P2RX5: variants seen among roughly 807,000 people sequenced by gnomAD.
The protein encoded by P2RX5 is P2X purinoceptor 5.
P2RX5 carries 46 observed loss-of-function variants against 54.1 expected under a neutral mutation model. The observed-to-expected ratio is 0.85, with a 90% CI of 0.67 to 1.09. The LOEUF (loss-of-function observed/expected upper bound fraction) is 1.09, where lower values mean the gene tolerates loss of function less well. Among genes scored for constraint, P2RX5 ranks in the 50% least tolerant of loss-of-function variants. The probability of loss-of-function intolerance (pLI) is 0.00; values close to 1 mark genes in which losing one functional copy is unlikely to be tolerated. For synonymous variants in P2RX5, 226 were observed against 226.4 expected, an observed-to-expected ratio of 1.00 and a Z score of 0.02; for missense variants, 566 against 549.8, an observed-to-expected ratio of 1.03 and a Z score of -0.29.
chr17:3,723,468 T>A, the P2RX5 span: 1 of 1,107,430 alleles, frequency 9.0e-7, no homozygotes, highest in Non-Finnish European at 1.4e-6. Flanking sequence ...CAGAGCATCG[T>A]AAGGTCCCAG....
At chr17:3,698,768 C>G (rs1247837869), upstream of P2RX5, among the ~76,000 whole-genome samples, 1 of 152,032 alleles carries the variant, frequency 6.6e-6, no homozygotes, top group Non-Finnish European at 1.5e-5. Flanking sequence ...CTTTAGAGAC[C>G]ACATGAGGGG....
intron 11 of P2RX5, chr17:3,677,585 AC>A (rs1298515563): frequency 4.1e-6 from 4 of 985,218 alleles, no homozygotes; most frequent in South Asian, 9.4e-5. Flanking sequence ...GATTTCGGAA[AC>A]CCTGCTAGAG....
chr17:3,694,814 A>C (rs1157149554), intron 1 of P2RX5, among the ~76,000 whole-genome samples: 3 of 152,218 alleles, frequency 2.0e-5, no homozygotes, highest in African/African-American at 4.8e-5. Flanking sequence ...ACATCAGGCA[A>C]ATGATCCCCC....
intron 1 of P2RX5, among the ~76,000 whole-genome samples, chr17:3,693,745 A>G (rs2050681248): frequency 1.3e-5 from 2 of 152,066 alleles, no homozygotes; most frequent in African/African-American, 4.8e-5. Flanking sequence ...TCTCAAAAAT[A>G]ATAATAATAA....
upstream of P2RX5, among the ~76,000 whole-genome samples, chr17:3,698,881 A>G (rs1425600312): frequency 6.6e-6 from 1 of 152,064 alleles, no homozygotes; most frequent in East Asian, 1.9e-4. Context: ...CTGGTGAGGC[A>G]TGACATCAAA....
At chr17:3,702,594 G>GA in the P2RX5 span, among the ~76,000 whole-genome samples, 4 of 152,214 alleles carry the variant, frequency 2.6e-5, no homozygotes, top group Admixed American at 2.6e-4. Context: ...GCGAAGGTCT[G>GA]AAGCTTCACT....
chr17:3,674,163 A>C (rs910086176), intron 11 of P2RX5, among the ~76,000 whole-genome samples: 2 of 152,012 alleles, frequency 1.3e-5, no homozygotes, highest in African/African-American at 4.8e-5. Flanking sequence ...AAATACAAAA[A>C]ATTAGCCGGG....
chr17:3,688,691 A>G lies in P2RX5; in HGVS notation c.822T>C (p.Pro274=). The G allele has an allele frequency of 6.2e-7, 1 of 1,613,604 alleles. No homozygotes were observed. The highest frequency in any genetic ancestry group is 8.5e-7 in the Non-Finnish European group (1 of 1,179,528). ...TGTCCAGACGGCTAAAAGAATAGTG[A>G]GGGTGGCACTCAGAGGCAGCTTTAT... ...DLDKAASECH[P]HYSFSRLDNK... Residue 274 remains proline (P), a synonymous_variant, in exon 8 of 12, where the codon CCT becomes CCC. Transcript: ENST00000225328.
rs1476924200 is a variant in P2RX5, at chr17:3,673,259, C to T, written c.*609G>A. On this transcript the variant is annotated 3_prime_UTR_variant, in exon 12 of 12. Transcript: ENST00000225328. Reference sequence around the variant, plus strand: ...TTGACACCATTTATTGTTTTATGACCAAATAAGAGTGTCAGAGAATACATA... The same window carrying T: ...TTGACACCATTTATTGTTTTATGACTAAATAAGAGTGTCAGAGAATACATA... 1 of 988,910 alleles carries T rather than the reference C, an allele frequency of 1.0e-6. No individual in the cohort carries two copies. The highest frequency in any genetic ancestry group is 1.2e-6 in the Non-Finnish European group (1 of 831,922). 61.3% of individuals were successfully genotyped at this position (988,910 alleles called of 1,614,324 possible). A position where few individuals can be genotyped will look rare whatever the true frequency, so the allele number is the denominator to read the frequency against.
intron 3 of P2RX5, 97 bp from the exon 4 acceptor site, chr17:3,690,777 G>A (rs1567738240): frequency 5.3e-6 from 7 of 1,316,722 alleles, no homozygotes; most frequent in Non-Finnish European, 7.6e-6. Context: ...CTTCGGCCTG[G>A]CCCACACACA....
the P2RX5 span, among the ~76,000 whole-genome samples, chr17:3,701,696 G>GA: frequency 0.11 from 8,332 of 72,822 alleles, 406 homozygotes; most frequent in Non-Finnish European, 0.13. Flanking sequence ...CTCTGTCTCA[G>GA]AAAAAAAAAA....
rs566239558 is a variant in P2RX5 at position 3,675,511 on chromosome 17, C to A, written c.1260-1634G>T. ...GTTATAAAAATGCAAGGCTTTGCGT[C>A]AGTGAAGAAGTGACACACCTAAGTG... On this transcript the variant is annotated intron_variant, in intron 11 of 11. Transcript: ENST00000225328. 34 of 985,184 alleles carry A rather than the reference C, an allele frequency of 3.5e-5. No homozygotes were observed. In the South Asian group the frequency reaches 1.6e-3, roughly 45 times the overall value. The allele number at this position is 985,184 out of a possible 1,614,324, so 61.0% of individuals were successfully genotyped here.
chr17:3,677,171 AG>A, intron 11 of P2RX5: 1 of 985,306 alleles, frequency 1.0e-6, no homozygotes, highest in Non-Finnish European at 1.2e-6. Context: ...GGACGGAGGG[AG>A]GGGAATGAGG....
rs172691 is a variant in P2RX5 at position 3,693,768 on chromosome 17, G to T, written c.138-1974C>A. Reference sequence around the variant, plus strand: ...ATAATAATAATAATAATTAAAAATTGAAAAATTGAAAACATGTTCACAAAA... The same window carrying T: ...ATAATAATAATAATAATTAAAAATTTAAAAATTGAAAACATGTTCACAAAA... On this transcript the variant is annotated intron_variant, in intron 1 of 11. Coordinates refer to ENST00000225328, the MANE Select transcript of P2RX5 (RefSeq NM_002561.4). Among the ~76,000 whole-genome samples the T allele has an allele frequency of 3.5e-3, 532 of 151,896 alleles. 8 individuals carry two copies. The highest frequency in any genetic ancestry group is 0.012 in the African/African-American group (495 of 41,338).
At chr17:3,698,569 T>A (rs1283429958), upstream of P2RX5, among the ~76,000 whole-genome samples, 3 of 152,156 alleles carry the variant, frequency 2.0e-5, no homozygotes, top group Non-Finnish European at 4.4e-5. Context: ...TCTTGATTCA[T>A]CAAACCTTTG....
upstream of P2RX5, among the ~76,000 whole-genome samples, chr17:3,699,129 CTCATGCCTTTAA>C (rs1256748535): frequency 6.6e-6 from 1 of 151,366 alleles, no homozygotes; most frequent in Non-Finnish European, 1.5e-5. Flanking sequence ...GGCACAGTGG[CTCATGCCTTTAA>C]TCCTAGCACC....
chr17:3,699,095 CT>C (rs1378402298), upstream of P2RX5, among the ~76,000 whole-genome samples: 992 of 100,234 alleles, frequency 9.9e-3, 20 homozygotes, highest in South Asian at 0.042. Context: ...ACACACACAC[CT>C]ATATATATAA....
chr17:3,709,097 G>T, the P2RX5 span, among the ~76,000 whole-genome samples: 19,735 of 151,924 alleles, frequency 0.13, 4,264 homozygotes, highest in African/African-American at 0.45. Context: ...GATTACAGGC[G>T]CCTGCCACAA....
At chr17:3,702,666 C>G in the P2RX5 span, among the ~76,000 whole-genome samples, 1 of 152,066 alleles carries the variant, frequency 6.6e-6, no homozygotes, top group Admixed American at 6.6e-5. Flanking sequence ...ATCTGAACAT[C>G]AGAACATCAG....
Sources: allele counts gnomAD v4.1 joint callset (sites outside exome capture counted in the v4.1 genomes callset), GRCh38; gene constraint gnomAD v4.1.1; transcripts MANE v1.5; gene names NCBI Gene and HGNC (gene_info 2026-07-23, HGNC 2026-07-21).